The following COL9A2 variants were observed in gnomAD, a reference collection of about 807,000 sequenced individuals.
COL9A2 encodes the protein collagen alpha-2(IX) chain.
In COL9A2, 66 loss-of-function variants were observed where a neutral mutation model predicts 111.6. That is an observed-to-expected ratio of 0.59 (90% CI 0.48 to 0.73). COL9A2 has a LOEUF of 0.73. COL9A2 is among the 30% of genes least tolerant of loss of function. COL9A2 has a pLI of 0.00. For synonymous variants in COL9A2, 353 were observed against 364.1 expected (o/e 0.97, Z 0.35); for missense variants, 881 against 954.1 (o/e 0.92, Z 1.01).
In COL9A2 at chr1:40,316,835, G is replaced by A. The variant is rs1479863544; in HGVS notation, c.75+288C>T. ...GTATGCCCCGCCACCTGGGCTCCCC[G>A]GGCTGCCAGGACCGGGCGCCAGCTC... On this transcript the variant is annotated intron_variant, in intron 1 of 31. Coordinates refer to ENST00000372748, the MANE Select transcript of COL9A2 (RefSeq NM_001852.4). This position sits in a 1 kb window ranked among gnomAD's most constrained non-coding sequence, Gnocchi z 5.5. 79 of 537,996 alleles carry A rather than the reference G, an allele frequency of 1.5e-4. No individual in the cohort carries two copies. In the South Asian group the frequency reaches 1.5e-3, roughly 11 times the overall value. The allele number at this position is 537,996 out of a possible 1,614,324, so 33.3% of individuals were successfully genotyped here. A position where few individuals can be genotyped will look rare whatever the true frequency, so the allele number is the denominator to read the frequency against.
intron 4 of COL9A2, among the ~76,000 whole-genome samples, chr1:40,313,726 C>T (rs1295431047): frequency 6.6e-6 from 1 of 152,160 alleles, no homozygotes; most frequent in Non-Finnish European, 1.5e-5. Context: ...TGTCCTCATG[C>T]CCCTGGGGCT....
rs769009288 is a variant in COL9A2, at chr1:40,303,165, C to G, written c.1569G>C (p.Gln523His). The G allele has an allele frequency of 5.6e-6, 9 of 1,612,358 alleles. No individual in the cohort carries two copies. Among genetic ancestry groups the G allele is most frequent in the Non-Finnish European group, 7.6e-6 (9 of 1,179,382 alleles). The change falls in exon 29 of 32, where the codon CAG (glutamine) becomes CAC (histidine). Residue 523 changes from glutamine to histidine, a missense_variant. Physicochemically the swap from Gln to His is conservative, Grantham distance 24. Coordinates refer to ENST00000372748, the MANE Select transcript of COL9A2 (RefSeq NM_001852.4). The surrounding 1 kb of genome is among the most constrained non-coding windows in gnomAD (Gnocchi z 4.6). ...TCTTCAGCGCCACATCCACGATGTGCTGGTCAGTGGCATCCCGGCCCTGAA... is the reference window on the plus strand; with the variant it reads ...TCTTCAGCGCCACATCCACGATGTGGTGGTCAGTGGCATCCCGGCCCTGAA... ...QGVEGRDATD[Q>H]HIVDVALKML... is the part of the protein sequence containing the mutation.
chr1:40,309,469 C>G (rs964013600), intron 16 of COL9A2, among the ~76,000 whole-genome samples: 1 of 150,764 alleles, frequency 6.6e-6, no homozygotes, highest in African/African-American at 2.4e-5. Context: ...GAACTGGGAT[C>G]GAGACCAAAT....
rs1644234597 is a variant in COL9A2, at chr1:40,317,264, C to T, written c.-67G>A. 1.8e-6 allele frequency: 2 copies of T among 1,092,556 alleles called. No individual in the cohort carries two copies. The highest frequency in any genetic ancestry group is 2.2e-5 in the Admixed American group (1 of 45,920). 67.7% of individuals were successfully genotyped at this position (1,092,556 alleles called of 1,614,324 possible). ...ACGCACCGACGGCAGAGTCTCCCGG[C>T]GCTCCTCCAGCGCTGGCTGTTCGCG... is the stretch of plus-strand genomic sequence containing the variant. On this transcript the variant is annotated 5_prime_UTR_variant, in exon 1 of 32. Coordinates refer to ENST00000372748, the MANE Select transcript of COL9A2 (RefSeq NM_001852.4). The surrounding 1 kb of genome is among the most constrained non-coding windows in gnomAD (Gnocchi z 4.3).
In COL9A2 at chr1:40,304,341, C is replaced by A. The variant is rs1273251930; in HGVS notation, c.1266G>T (p.Leu422Phe). 6.4e-7 allele frequency: 1 copy of A among 1,569,876 alleles called. No individual in the cohort carries two copies. Among genetic ancestry groups the A allele is most frequent in the Non-Finnish European group, 8.6e-7 (1 of 1,156,652 alleles). ...GCACCTTGTCTCCTTTGACGCCTGGCAAGCCTTGGGGCCCTGGAATTCCGG... is the reference window on the plus strand; with the variant it reads ...GCACCTTGTCTCCTTTGACGCCTGGAAAGCCTTGGGGCCCTGGAATTCCGG... Reference protein sequence around the residue: ...GPPGIPGPQGLPGVKGDKGSP... With the variant: ...GPPGIPGPQGFPGVKGDKGSP... Residue 422 changes from leucine to phenylalanine, a missense_variant, in exon 24 of 32, where the codon TTG becomes TTT. Coordinates refer to ENST00000372748, the MANE Select transcript of COL9A2 (RefSeq NM_001852.4).
chr1:40,301,711 T>C (rs984663279), intron 31 of COL9A2, 101 bp downstream of exon 31: 6 of 1,142,338 alleles, frequency 5.3e-6, no homozygotes, highest in Non-Finnish European at 7.7e-6. Context: ...AGGACTGAGC[T>C]GGCTGAGCGT....
chr1:40,314,667 T>C lies in COL9A2; in HGVS notation c.151-280A>G, dbSNP rs1644187243. Reference sequence around the variant, plus strand: ...CATGCTGATGTCATGAGGTGCCAGCTGTGAGACCCACTACCAGGGCTGGGG... The same window carrying C: ...CATGCTGATGTCATGAGGTGCCAGCCGTGAGACCCACTACCAGGGCTGGGG... On this transcript the variant is annotated intron_variant, in intron 2 of 31. Coordinates refer to ENST00000372748, the MANE Select transcript of COL9A2 (RefSeq NM_001852.4). This position sits in a 1 kb window ranked among gnomAD's most constrained non-coding sequence, Gnocchi z 4.1. 6.6e-6 allele frequency among the ~76,000 whole-genome samples: 1 copy of C among 152,138 alleles called. No homozygotes were observed. The highest frequency in any genetic ancestry group is 1.5e-5 in the Non-Finnish European group (1 of 68,026).
chr1:40,304,739 C>A, intron 22 of COL9A2, 55 bp downstream of exon 22: 1 of 1,493,278 alleles, frequency 6.7e-7, no homozygotes. Context: ...CTGTATCCAG[C>A]AGTGCCAGCT....
Position 40,307,976 on chromosome 1 carries a change from G to A in COL9A2, c.900+216C>T, listed in dbSNP as rs1315821608. The stretch of plus-strand genomic sequence containing the variant: ...CCCTAGTGTGGAGGGTGGTGTCCCC[G>A]ACTGCTGCAAGCTCCCCATGACCTC... On this transcript the variant is annotated intron_variant, in intron 17 of 31. Coordinates refer to ENST00000372748, the MANE Select transcript of COL9A2 (RefSeq NM_001852.4). The surrounding 1 kb of genome is among the most constrained non-coding windows in gnomAD (Gnocchi z 4.8). 6.6e-6 allele frequency among the ~76,000 whole-genome samples: 1 copy of A among 152,132 alleles called. No homozygotes were observed. Among genetic ancestry groups the A allele is most frequent in the Non-Finnish European group, 1.5e-5 (1 of 68,000 alleles).
chr1:40,309,431 T>TG (rs777892229), intron 16 of COL9A2, among the ~76,000 whole-genome samples: 4 of 137,040 alleles, frequency 2.9e-5, no homozygotes, highest in South Asian at 2.3e-4. Context: ...GTCTATTAAT[T>TG]GGGAAAAAAA....
At chr1:40,315,111 G>A in intron 2 of COL9A2, 1 of 569,760 alleles carries the variant, frequency 1.8e-6, no homozygotes, top group Non-Finnish European at 2.3e-6. Flanking sequence ...TTCAGAATGA[G>A]GTATTTAACC....
At position 40,316,884 on chromosome 1, in the gene COL9A2, G is replaced by A. The variant is rs1196399159; in HGVS notation, c.75+239C>T. 1.3e-5 allele frequency among the ~76,000 whole-genome samples: 2 copies of A among 152,192 alleles called. No homozygotes were observed. Among genetic ancestry groups the A allele is most frequent in the Non-Finnish European group, 2.9e-5 (2 of 68,030 alleles). ...TCCTGCCCCACGCTGCCTGTCCCGG[G>A]CCGGGCCGCGCGTCTGGGGACGGGT... On this transcript the variant is annotated intron_variant, in intron 1 of 31. Coordinates refer to ENST00000372748, the MANE Select transcript of COL9A2 (RefSeq NM_001852.4). This position sits in a 1 kb window ranked among gnomAD's most constrained non-coding sequence, Gnocchi z 5.5.
chr1:40,302,756 C>T lies in COL9A2; in HGVS notation c.1657G>A (p.Gly553Ser), dbSNP rs1372416499. The T allele has an allele frequency of 6.4e-7, 1 of 1,566,250 alleles. No individual in the cohort carries two copies. Among genetic ancestry groups the T allele is most frequent in the Non-Finnish European group, 8.6e-7 (1 of 1,156,224 alleles). The change falls in exon 30 of 32, where the codon GGC becomes AGC. Residue 553 changes from glycine (G) to serine (S), a missense_variant. Coordinates refer to ENST00000372748, the MANE Select transcript of COL9A2 (RefSeq NM_001852.4). This position sits in a 1 kb window ranked among gnomAD's most constrained non-coding sequence, Gnocchi z 4.5. ...GGAGGTCCTGGAGGACCCATCATGC[C>T]CACCGCACCCAGGGCTTCCCGCTTG... ...SAKREALGAV[G>S]MMGPPGPPGP...
At chr1:40,309,325 A>C (rs1318255255) in intron 16 of COL9A2, among the ~76,000 whole-genome samples, 1 of 152,120 alleles carries the variant, frequency 6.6e-6, no homozygotes, top group African/African-American at 2.4e-5. Context: ...ATTTTTAAAA[A>C]GAAAAGAAAA....
chr1:40,312,766 C>G lies in COL9A2; in HGVS notation c.268G>C (p.Gly90Arg). 1 of 1,552,056 alleles carries G rather than the reference C, an allele frequency of 6.4e-7. No individual in the cohort carries two copies. The highest frequency in any genetic ancestry group is 8.7e-7 in the Non-Finnish European group (1 of 1,147,270). ...PGIDGLTGAK[G>R]EPGPMGIPGV... Reference sequence around the variant, plus strand: ...GGGATCCCCATGGGGCCAGGCTCCCCCTTGGCTCCAGTTAAACCCTGGGGA... The same window carrying G: ...GGGATCCCCATGGGGCCAGGCTCCCGCTTGGCTCCAGTTAAACCCTGGGGA... Residue 90 changes from glycine to arginine, a missense_variant, in exon 5 of 32, where the codon GGG becomes CGG. Coordinates refer to ENST00000372748, the MANE Select transcript of COL9A2 (RefSeq NM_001852.4). The surrounding 1 kb of genome is among the most constrained non-coding windows in gnomAD (Gnocchi z 6.0).
At position 40,303,096 on chromosome 1, in the gene COL9A2, C is replaced by G. The variant is rs902947749; in HGVS notation, c.1603+35G>C. 6.9e-6 allele frequency: 11 copies of G among 1,605,388 alleles called. No individual in the cohort carries two copies. In the African/African-American group the frequency reaches 1.5e-4, roughly 21 times the overall value. Reference sequence around the variant, plus strand: ...GGGGGTGAGGGGGCGGCGATGCCCTCGAACTGACTGTGAGGAGGGGTTGCT... The same window carrying G: ...GGGGGTGAGGGGGCGGCGATGCCCTGGAACTGACTGTGAGGAGGGGTTGCT... On this transcript the variant is annotated intron_variant, in intron 29 of 31. Transcript: ENST00000372748. The surrounding 1 kb of genome is among the most constrained non-coding windows in gnomAD (Gnocchi z 4.6).
chr1:40,316,640 C>A lies in COL9A2; in HGVS notation c.75+483G>T, dbSNP rs571060920. 25 of 446,354 alleles carry A rather than the reference C, an allele frequency of 5.6e-5. No individual in the cohort carries two copies. Among genetic ancestry groups the A allele is most frequent in the Middle Eastern group, 3.3e-4 (1 of 3,026 alleles). 27.6% of individuals were successfully genotyped at this position (446,354 alleles called of 1,614,324 possible). On this transcript the variant is annotated intron_variant, in intron 1 of 31. Transcript: ENST00000372748. This position sits in a 1 kb window ranked among gnomAD's most constrained non-coding sequence, Gnocchi z 5.5. ...CACCCAGCACCCGACCGGGCCCAGT[C>A]TCTGCCCTACCCGCGCGCCCGCAGC...
At position 40,313,254 on chromosome 1, in the gene COL9A2, C is replaced by T. The variant is rs142641981; in HGVS notation, c.250-470G>A. ...CACAGTCTCAGCTCACTGCAACCCC[C>T]GCTTCCTGGGTTCAAATGATTCTTG... On this transcript the variant is annotated intron_variant, in intron 4 of 31. Coordinates refer to ENST00000372748, the MANE Select transcript of COL9A2 (RefSeq NM_001852.4). Among the ~76,000 whole-genome samples, 1,477 of 152,166 alleles carry T rather than the reference C, an allele frequency of 9.7e-3. 17 individuals are homozygous for T. Among genetic ancestry groups the T allele is most frequent in the Non-Finnish European group, 0.015 (1,034 of 67,988 alleles).
intron 4 of COL9A2, among the ~76,000 whole-genome samples, chr1:40,313,286 AG>A (rs1316868190): frequency 5.3e-5 from 8 of 152,054 alleles, no homozygotes; most frequent in South Asian, 2.1e-4. Context: ...CTTGTGCCCC[AG>A]CCTCCCAAGT....
Sources: gnomAD v4.1 joint callset for allele counts (sites outside exome capture counted in the v4.1 genomes callset) on GRCh38, gnomAD v4.1.1 for gene constraint, Gnocchi (gnomAD v3.1) non-coding constraint, MANE v1.5 for transcripts, NCBI Gene and HGNC (gene_info 2026-07-23, HGNC 2026-07-21) for gene names.